VAT1L: variants seen among roughly 807,000 people sequenced by gnomAD.
The protein encoded by VAT1L is putative NADPH-dependent quinone oxidoreductase VAT1L.
A neutral mutation model predicts 44.1 loss-of-function variants in VAT1L; 34 were observed. The ratio of observed to expected loss-of-function variants is 0.77; its 90% CI spans 0.59 to 1.03. The LOEUF (loss-of-function observed/expected upper bound fraction) is 1.03. Among genes scored for constraint, VAT1L ranks in the 50% least tolerant of loss-of-function variants. The probability of loss-of-function intolerance (pLI) is 0.00; values close to 1 mark genes in which losing one functional copy is unlikely to be tolerated. For synonymous variants in VAT1L, 253 were observed against 202.2 expected, an observed-to-expected ratio of 1.25 and a Z score of -2.13; for missense variants, 615 against 538.8, an observed-to-expected ratio of 1.14 and a Z score of -1.40.
chr16:77,878,313 G>A (rs1203040510), intron 5 of VAT1L, among the ~76,000 whole-genome samples: 1 of 152,168 alleles, frequency 6.6e-6, no homozygotes, highest in Non-Finnish European at 1.5e-5. Flanking sequence ...AGGCTAAATA[G>A]TGTAAAATAC....
At chr16:77,920,504 T>C (rs1486094644) in intron 7 of VAT1L, among the ~76,000 whole-genome samples, 2 of 152,082 alleles carry the variant, frequency 1.3e-5, no homozygotes, top group African/African-American at 4.8e-5. Context: ...TGAATTATAC[T>C]TAGAAGACTG....
intron 1 of VAT1L, among the ~76,000 whole-genome samples, chr16:77,811,474 G>C (rs1411711472): frequency 6.6e-6 from 1 of 152,112 alleles, no homozygotes; most frequent in Non-Finnish European, 1.5e-5. Flanking sequence ...GGCCTACCAT[G>C]GTTTATAGAT....
chr16:77,935,588 A>G (rs1391968090), intron 7 of VAT1L, among the ~76,000 whole-genome samples: 1 of 151,698 alleles, frequency 6.6e-6, no homozygotes. Flanking sequence ...AAGGAGAAGA[A>G]AGGAGTGAGA....
intron 1 of VAT1L, among the ~76,000 whole-genome samples, chr16:77,797,517 C>CA (rs1158383298): frequency 6.6e-6 from 1 of 152,208 alleles, no homozygotes; most frequent in African/African-American, 2.4e-5. Flanking sequence ...CCTGCATCCC[C>CA]ACCCATGGGT....
At chr16:77,900,075 C>T (rs2017364336) in intron 7 of VAT1L, among the ~76,000 whole-genome samples, 1 of 152,200 alleles carries the variant, frequency 6.6e-6, no homozygotes, top group Admixed American at 6.5e-5. Context: ...TCTATTTGCA[C>T]AGCATTTACT....
intron 3 of VAT1L, among the ~76,000 whole-genome samples, chr16:77,832,813 A>G (rs1454596925): frequency 3.3e-5 from 5 of 152,228 alleles, no homozygotes; most frequent in Non-Finnish European, 7.3e-5. Context: ...TATGTGCCTG[A>G]GCACTTGTGG....
At chr16:77,945,377 C>T (rs1405331435) in intron 7 of VAT1L, among the ~76,000 whole-genome samples, 1 of 149,978 alleles carries the variant, frequency 6.7e-6, no homozygotes, top group Non-Finnish European at 1.5e-5. Flanking sequence ...GCCTCAAACT[C>T]CTAGGCTCAA....
At chr16:77,919,167 TGTGTGC>T (rs1241054353) in intron 7 of VAT1L, among the ~76,000 whole-genome samples, 4 of 152,084 alleles carry the variant, frequency 2.6e-5, no homozygotes, top group African/African-American at 9.7e-5. Flanking sequence ...TGTGCACGCA[TGTGTGC>T]ATGTGCATGT....
In VAT1L at chr16:77,862,747, G is replaced by T; in HGVS notation, c.580-1G>T. ...ACATAGCTATTGTCTTTTCCTTCCA[G>T]GGTCAAGCTGTGGCTCAGCTGTGTT... On this transcript the variant is annotated splice_acceptor_variant, in intron 3 of 8. Coordinates refer to ENST00000302536, the MANE Select transcript of VAT1L (RefSeq NM_020927.3). LOFTEE classifies it high-confidence loss of function. 1 of 1,613,008 alleles carries T rather than the reference G, an allele frequency of 6.2e-7. No individual in the cohort carries two copies. The highest frequency in any genetic ancestry group is 8.5e-7 in the Non-Finnish European group (1 of 1,179,620).
chr16:77,825,021 C>A (rs1360758967), intron 2 of VAT1L, among the ~76,000 whole-genome samples: 1 of 151,804 alleles, frequency 6.6e-6, no homozygotes, highest in Non-Finnish European at 1.5e-5. Flanking sequence ...CATGCGCCAT[C>A]ACGCCTGGTG....
chr16:77,930,964 TTA>T (rs2142502206), intron 7 of VAT1L, among the ~76,000 whole-genome samples: 1 of 152,304 alleles, frequency 6.6e-6, no homozygotes, highest in African/African-American at 2.4e-5. Flanking sequence ...ATCTTAAATT[TTA>T]TCTCATTTAA....
At chr16:77,870,077 A>G (rs1182447297) in intron 4 of VAT1L, among the ~76,000 whole-genome samples, 1 of 152,188 alleles carries the variant, frequency 6.6e-6, no homozygotes, top group Non-Finnish European at 1.5e-5. Context: ...ACATATGGGA[A>G]CTACTAATAG....
chr16:77,935,277 T>G (rs2017780045), intron 7 of VAT1L, among the ~76,000 whole-genome samples: 2 of 152,152 alleles, frequency 1.3e-5, no homozygotes, highest in Admixed American at 1.3e-4. Context: ...AATTGAGACT[T>G]TTTTATGGAG....
chr16:77,816,710 T>A (rs1218125438), intron 1 of VAT1L, among the ~76,000 whole-genome samples: 1 of 151,760 alleles, frequency 6.6e-6, no homozygotes, highest in African/African-American at 2.4e-5. Context: ...CTTATCTGCA[T>A]AGAGATAATT....
At chr16:77,836,582 T>C (rs1364909110) in intron 3 of VAT1L, among the ~76,000 whole-genome samples, 1 of 152,182 alleles carries the variant, frequency 6.6e-6, no homozygotes, top group African/African-American at 2.4e-5. Context: ...TTCTGAGATA[T>C]GTTGTGGAAC....
intron 3 of VAT1L, among the ~76,000 whole-genome samples, chr16:77,859,587 T>G (rs1424249122): frequency 6.6e-6 from 1 of 152,220 alleles, no homozygotes; most frequent in Non-Finnish European, 1.5e-5. Flanking sequence ...TTGAGAAATG[T>G]CACTCTGACC....
intron 7 of VAT1L, among the ~76,000 whole-genome samples, chr16:77,940,230 A>G (rs891766151): frequency 2.6e-5 from 4 of 152,000 alleles, no homozygotes; most frequent in African/African-American, 9.7e-5. Flanking sequence ...AATTTCCACC[A>G]TGGCCAATTT....
chr16:77,819,237 G>GTGCTGACC (rs1242330117), intron 2 of VAT1L, among the ~76,000 whole-genome samples: 1 of 152,168 alleles, frequency 6.6e-6, no homozygotes, highest in Admixed American at 6.5e-5. Context: ...ATTACACTCT[G>GTGCTGACC]TGCTGACCCT....
chr16:77,809,620 C>T (rs1479894874), intron 1 of VAT1L, among the ~76,000 whole-genome samples: 1 of 152,020 alleles, frequency 6.6e-6, no homozygotes, highest in Non-Finnish European at 1.5e-5. Flanking sequence ...TCCTGACTTG[C>T]ATTACAAAAA....
Sources: gnomAD v4.1 joint callset for allele counts (sites outside exome capture counted in the v4.1 genomes callset) on GRCh38, gnomAD v4.1.1 for gene constraint, MANE v1.5 for transcripts, NCBI Gene and HGNC (gene_info 2026-07-23, HGNC 2026-07-21) for gene names.